FOXP1: variants seen among roughly 807,000 people sequenced by gnomAD.
FOXP1 encodes the protein forkhead box protein P1.
In FOXP1, 15 loss-of-function variants were observed where a neutral mutation model predicts 98.2. That is an observed-to-expected ratio of 0.15 (90% confidence interval 0.10 to 0.24). The LOEUF (loss-of-function observed/expected upper bound fraction) is 0.24, where lower values mean the gene tolerates loss of function less well. Among genes scored for constraint, FOXP1 ranks in the 10% least tolerant of loss-of-function variants. The probability of loss-of-function intolerance (pLI) is 1.00; values close to 1 mark genes in which losing one functional copy is unlikely to be tolerated. For missense variants in FOXP1, 633 were observed against 848.5 expected (o/e 0.75, Z 3.15); for synonymous variants, 371 against 314.5 (o/e 1.18, Z -1.90).
At chr3:71,174,731 A>T (rs2061828331) in intron 6 of FOXP1, among the ~76,000 whole-genome samples, 1 of 150,384 alleles carries the variant, frequency 6.6e-6, no homozygotes, top group Non-Finnish European at 1.5e-5. Flanking sequence ...AAATGCTATG[A>T]CTCTACAGAT....
intron 4 of FOXP1, among the ~76,000 whole-genome samples, chr3:71,326,626 T>C (rs1347043460): frequency 6.6e-6 from 1 of 152,208 alleles, no homozygotes; most frequent in Non-Finnish European, 1.5e-5. Context: ...TCAGTTTACA[T>C]AAGCAGAATG....
chr3:71,509,094 T>C (rs1384483892), intron 2 of FOXP1, among the ~76,000 whole-genome samples: 6 of 152,234 alleles, frequency 3.9e-5, no homozygotes, highest in Non-Finnish European at 7.3e-5. Context: ...TTCCTTGTAA[T>C]GGTTTTCTTG....
chr3:71,225,985 A>G (rs1022327725), intron 5 of FOXP1, among the ~76,000 whole-genome samples: 26 of 152,346 alleles, frequency 1.7e-4, no homozygotes, highest in Middle Eastern at 3.4e-3. Flanking sequence ...TTCACTTTCT[A>G]GAAACAAATG....
intron 12 of FOXP1, 129 bp downstream of exon 12, chr3:71,015,420 G>A: frequency 3.0e-6 from 2 of 659,666 alleles, no homozygotes; most frequent in East Asian, 2.9e-5. Context: ...ACTAGACCTT[G>A]TGATTTAGAG....
chr3:71,495,574 T>C (rs1459246858), intron 2 of FOXP1, among the ~76,000 whole-genome samples: 1 of 152,240 alleles, frequency 6.6e-6, no homozygotes, highest in East Asian at 1.9e-4. Context: ...CATTATGTAC[T>C]GGGTATTGTT....
chr3:71,141,938 G>A (rs2060092244), intron 6 of FOXP1, among the ~76,000 whole-genome samples: 1 of 152,220 alleles, frequency 6.6e-6, no homozygotes, highest in Non-Finnish European at 1.5e-5. Flanking sequence ...AGAAGATGGA[G>A]CACAGAGGCT....
intron 3 of FOXP1, among the ~76,000 whole-genome samples, chr3:71,487,823 A>C (rs62247173): frequency 0.29 from 43,838 of 152,166 alleles, 6,636 homozygotes; most frequent in Non-Finnish European, 0.33. Context: ...TGGAAAATAC[A>C]TGCAATATAA....
intron 2 of FOXP1, among the ~76,000 whole-genome samples, chr3:71,560,168 T>C (rs902990662): frequency 6.6e-6 from 1 of 152,154 alleles, no homozygotes; most frequent in African/African-American, 2.4e-5. Context: ...TTATCTTCTG[T>C]TTCTTCAAGA....
At chr3:71,116,698 T>G (rs556795365) in intron 6 of FOXP1, among the ~76,000 whole-genome samples, 1 of 152,364 alleles carries the variant, frequency 6.6e-6, no homozygotes, top group East Asian at 1.9e-4. Context: ...TGAACAGAAT[T>G]TATAACATGC....
At chr3:71,168,332 CATCAT>C (rs2061486898) in intron 6 of FOXP1, among the ~76,000 whole-genome samples, 1 of 151,954 alleles carries the variant, frequency 6.6e-6, no homozygotes, top group Admixed American at 6.6e-5. Context: ...TCAGCTATCA[CATCAT>C]GAGTACCATC....
intron 3 of FOXP1, among the ~76,000 whole-genome samples, chr3:71,401,149 A>G (rs1190781827): frequency 6.6e-6 from 1 of 152,218 alleles, no homozygotes. Flanking sequence ...TTACATATGA[A>G]AGAAACTGTA....
chr3:71,432,863 A>AAAC (rs2084853242), intron 3 of FOXP1, among the ~76,000 whole-genome samples: 1 of 151,344 alleles, frequency 6.6e-6, no homozygotes, highest in Non-Finnish European at 1.5e-5. Flanking sequence ...AAAAAAAAAA[A>AAAC]AAATTAAAAA....
chr3:71,137,828 T>C (rs1338798600), intron 6 of FOXP1, among the ~76,000 whole-genome samples: 1 of 151,672 alleles, frequency 6.6e-6, no homozygotes, highest in African/African-American at 2.4e-5. Context: ...GACCATGGGC[T>C]TTCAATAAAG....
At chr3:71,377,787 C>G in intron 3 of FOXP1, among the ~76,000 whole-genome samples, 1 of 152,242 alleles carries the variant, frequency 6.6e-6, no homozygotes, top group East Asian at 1.9e-4. Context: ...GCTGGTAACA[C>G]GAAGACATTA....
chr3:71,555,491 T>G (rs2046060387), intron 2 of FOXP1, among the ~76,000 whole-genome samples: 1 of 152,122 alleles, frequency 6.6e-6, no homozygotes, highest in East Asian at 1.9e-4. Context: ...AAATGAAAAA[T>G]CTGAGACAAT....
In FOXP1 at chr3:70,966,178, A is replaced by G. The variant is rs2034723116; in HGVS notation, c.1723-122T>C. ...AATTGTAGCATGGCTGGCAAATACAAGTTTCTAAGAGGTGTTGAAAGATTT... is the reference window on the plus strand; with the variant it reads ...AATTGTAGCATGGCTGGCAAATACAGGTTTCTAAGAGGTGTTGAAAGATTT... On this transcript the variant is annotated intron_variant, in intron 19 of 20. Coordinates refer to ENST00000649528, the MANE Select transcript of FOXP1 (RefSeq NM_001349338.3). 6 of 888,066 alleles carry G rather than the reference A, an allele frequency of 6.8e-6. No individual in the cohort carries two copies. The East Asian group carries it at 1.6e-4, about 24-fold the overall frequency. 55.0% of individuals were successfully genotyped at this position (888,066 alleles called of 1,614,324 possible).
intron 2 of FOXP1, among the ~76,000 whole-genome samples, chr3:71,553,199 G>A (rs774648822): frequency 3.9e-5 from 6 of 152,010 alleles, no homozygotes; most frequent in Non-Finnish European, 7.4e-5. Context: ...ATGTGGTATT[G>A]AAGTCCCTAA....
intron 6 of FOXP1, among the ~76,000 whole-genome samples, chr3:71,169,810 T>C (rs1035218098): frequency 1.3e-5 from 2 of 151,280 alleles, no homozygotes; most frequent in African/African-American, 2.4e-5. Flanking sequence ...GATTTTTTGC[T>C]CAGATATGTA....
At chr3:71,213,857 T>C (rs1406325790) in intron 5 of FOXP1, among the ~76,000 whole-genome samples, 1 of 152,158 alleles carries the variant, frequency 6.6e-6, no homozygotes, top group Non-Finnish European at 1.5e-5. Flanking sequence ...TACATATGTA[T>C]ATATTCAAAT....
Sources: allele counts gnomAD v4.1 joint callset (sites outside exome capture counted in the v4.1 genomes callset), GRCh38; gene constraint gnomAD v4.1.1; transcripts MANE v1.5; gene names NCBI Gene and HGNC (gene_info 2026-07-23, HGNC 2026-07-21).